Variants in PAWR observed in about 807,000 individuals in gnomAD.
PAWR encodes pro-apoptotic WT1 regulator, also known as PRKC apoptosis WT1 regulator protein.
Under a neutral mutation model 32.0 loss-of-function variants are expected in PAWR, and 23 were observed. The ratio of observed to expected loss-of-function variants is 0.72; its 90% CI spans 0.52 to 1.02. The LOEUF (loss-of-function observed/expected upper bound fraction) is 1.02, where lower values mean the gene tolerates loss of function less well. Among genes scored for constraint, PAWR ranks in the 50% least tolerant of loss-of-function variants. The probability of loss-of-function intolerance (pLI) is 0.00; values close to 1 mark genes in which losing one functional copy is unlikely to be tolerated. For synonymous variants in PAWR, 226 were observed against 187.1 expected, an observed-to-expected ratio of 1.21 and a Z score of -1.70; for missense variants, 457 against 437.7, an observed-to-expected ratio of 1.04 and a Z score of -0.39.
chr12:79,670,158 A>G (rs1222237308), intron 2 of PAWR, among the ~76,000 whole-genome samples: 2 of 152,154 alleles, frequency 1.3e-5, no homozygotes, highest in Non-Finnish European at 2.9e-5. Flanking sequence ...GCATGTTTCT[A>G]TTGTTTTTCC....
chr12:79,624,324 A>G (rs1212989657), intron 2 of PAWR, among the ~76,000 whole-genome samples: 1 of 152,124 alleles, frequency 6.6e-6, no homozygotes, highest in African/African-American at 2.4e-5. Flanking sequence ...ATATTAAAAG[A>G]AAAAAGAAAG....
chr12:79,667,829 A>G (rs970993767), intron 2 of PAWR: 1 of 152,220 alleles, frequency 6.6e-6, no homozygotes, highest in Non-Finnish European at 1.5e-5. Flanking sequence ...ATTAAAAATA[A>G]CTGAAGCTAG....
intron 4 of PAWR, among the ~76,000 whole-genome samples, chr12:79,601,877 T>A (rs1482415531): frequency 4.6e-5 from 7 of 152,186 alleles, no homozygotes; most frequent in African/African-American, 7.2e-5. Context: ...GAGAATTTTT[T>A]AAAAAGTTTC....
intron 2 of PAWR, among the ~76,000 whole-genome samples, chr12:79,656,061 G>A (rs531496729): frequency 3.9e-4 from 59 of 152,320 alleles, no homozygotes; most frequent in African/African-American, 1.2e-3. Flanking sequence ...ATGAAGGAAA[G>A]CATATCACAT....
At chr12:79,658,321 AT>A (rs886973304) in intron 2 of PAWR, among the ~76,000 whole-genome samples, 3 of 152,192 alleles carry the variant, frequency 2.0e-5, no homozygotes, top group African/African-American at 7.2e-5. Flanking sequence ...CATACAACCC[AT>A]TAAGGATAAG....
intron 3 of PAWR, 75 bp from the exon 4 acceptor site, chr12:79,613,684 A>T: frequency 1.4e-6 from 1 of 705,336 alleles, no homozygotes; most frequent in Non-Finnish European, 2.3e-6. Flanking sequence ...AATAGTTGAT[A>T]GAGAATACCT....
intron 4 of PAWR, among the ~76,000 whole-genome samples, chr12:79,598,378 T>C (rs538546264): frequency 6.6e-6 from 1 of 152,338 alleles, no homozygotes; most frequent in South Asian, 2.1e-4. Flanking sequence ...AGGACAGAAA[T>C]AGCAGTGATT....
Position 79,589,476 on chromosome 12 carries a change from A to G in PAWR, c.*3131T>C, listed in dbSNP as rs1873483468. The G allele has an allele frequency of 6.8e-6, 1 of 147,534 alleles. No individual in the cohort carries two copies. Among genetic ancestry groups the G allele is most frequent in the African/African-American group, 2.5e-5 (1 of 40,572 alleles). 9.1% of individuals were successfully genotyped at this position (147,534 alleles called of 1,614,324 possible). A position where few individuals can be genotyped will look rare whatever the true frequency, so the allele number is the denominator to read the frequency against. On this transcript the variant is annotated 3_prime_UTR_variant, in exon 7 of 7. Coordinates refer to ENST00000328827, the MANE Select transcript of PAWR (RefSeq NM_002583.4). Reference sequence around the variant, plus strand: ...CAATTAAAAATTTTTTAAACTGAAGAAAAAAAAAAACTACATTGCTCCACA... The same window carrying G: ...CAATTAAAAATTTTTTAAACTGAAGGAAAAAAAAAACTACATTGCTCCACA...
rs765969049 is a variant in PAWR, at chr12:79,589,608, G to A, written c.*2999C>T. 6.6e-6 allele frequency: 1 copy of A among 151,926 alleles called. No individual in the cohort carries two copies. The highest frequency in any genetic ancestry group is 2.4e-5 in the African/African-American group (1 of 41,376). The allele number at this position is 151,926 out of a possible 1,614,324, so 9.4% of individuals were successfully genotyped here. ...AGTACCTATAAATACACACCCAAAAGCCCTTCCCTCCTTCTCTAATGGTAA... is the reference window on the plus strand; with the variant it reads ...AGTACCTATAAATACACACCCAAAAACCCTTCCCTCCTTCTCTAATGGTAA... On this transcript the variant is annotated 3_prime_UTR_variant, in exon 7 of 7. Coordinates refer to ENST00000328827, the MANE Select transcript of PAWR (RefSeq NM_002583.4).
intron 5 of PAWR, among the ~76,000 whole-genome samples, chr12:79,595,444 C>A (rs1233184487): frequency 6.6e-6 from 1 of 152,228 alleles, no homozygotes; most frequent in African/African-American, 2.4e-5. Flanking sequence ...TAGCTGCTGC[C>A]AACTACTAGC....
intron 2 of PAWR, among the ~76,000 whole-genome samples, chr12:79,641,498 A>G (rs1181860242): frequency 1.3e-5 from 2 of 152,228 alleles, no homozygotes; most frequent in African/African-American, 4.8e-5. Context: ...TTTTACTTAT[A>G]TAAAACAAGC....
chr12:79,678,359 A>G lies in PAWR; in HGVS notation c.516+11370T>C, dbSNP rs544284526. Among the ~76,000 whole-genome samples, 4 of 152,360 alleles carry G rather than the reference A, an allele frequency of 2.6e-5. No homozygotes were observed. The East Asian group carries it at 5.8e-4, about 22-fold the overall frequency. On this transcript the variant is annotated intron_variant, in intron 2 of 6. Coordinates refer to ENST00000328827, the MANE Select transcript of PAWR (RefSeq NM_002583.4). ...CATTAAAATCCAACACAATTGGTCC[A>G]TATCAATCCTCTTTAACTGTTCTCC...
chr12:79,669,100 G>A, intron 2 of PAWR, among the ~76,000 whole-genome samples: 1 of 152,154 alleles, frequency 6.6e-6, no homozygotes, highest in African/African-American at 2.4e-5. Flanking sequence ...ATTTTGGCTT[G>A]AATGACTTCA....
chr12:79,646,925 C>G (rs753133608), intron 2 of PAWR, among the ~76,000 whole-genome samples: 7 of 152,006 alleles, frequency 4.6e-5, no homozygotes, highest in African/African-American at 7.2e-5. Context: ...CACCTGTAAT[C>G]CCAGCACTTT....
intron 2 of PAWR, among the ~76,000 whole-genome samples, chr12:79,659,635 C>T (rs1216880838): frequency 6.6e-6 from 1 of 152,142 alleles, no homozygotes; most frequent in African/African-American, 2.4e-5. Flanking sequence ...TTTCTATCTA[C>T]AGTTATTCAG....
rs1878821253 is a variant in PAWR at position 79,688,912 on chromosome 12, G to A, written c.516+817C>T. ...TTGAGATTGTTTTGTCTTGTTTCTG[G>A]TAGAGGGAGGTGTGATTATACACTT... On this transcript the variant is annotated intron_variant, in intron 2 of 6. Coordinates refer to ENST00000328827, the MANE Select transcript of PAWR (RefSeq NM_002583.4). 2.0e-5 allele frequency among the ~76,000 whole-genome samples: 3 copies of A among 152,284 alleles called. No homozygotes were observed. In the South Asian group the frequency reaches 6.2e-4, roughly 32 times the overall value.
At chr12:79,668,347 G>A (rs559372307) in intron 2 of PAWR, 4 of 152,310 alleles carry the variant, frequency 2.6e-5, no homozygotes, top group African/African-American at 4.8e-5. Context: ...TCTGCTTCAC[G>A]AAATAGCCCT....
At chr12:79,608,390 G>T (rs1432360809) in intron 4 of PAWR, among the ~76,000 whole-genome samples, 1 of 152,114 alleles carries the variant, frequency 6.6e-6, no homozygotes, top group Non-Finnish European at 1.5e-5. Context: ...ATGTAACCTA[G>T]GTCCCTCGCA....
chr12:79,594,959 T>G (rs866973014), intron 5 of PAWR, among the ~76,000 whole-genome samples: 2 of 152,150 alleles, frequency 1.3e-5, no homozygotes, highest in African/African-American at 4.8e-5. Context: ...TCAAGTGATC[T>G]GCCCGCCTCA....
Sources: gnomAD v4.1 joint callset for allele counts (sites outside exome capture counted in the v4.1 genomes callset) on GRCh38, gnomAD v4.1.1 for gene constraint, MANE v1.5 for transcripts, NCBI Gene and HGNC (gene_info 2026-07-23, HGNC 2026-07-21) for gene names.